KIF26B: variants seen among roughly 807,000 people sequenced by gnomAD.
KIF26B encodes the protein kinesin family member 26B, also known as kinesin-like protein KIF26B.
In KIF26B, 63 loss-of-function variants were observed where a neutral mutation model predicts 151.2. The observed-to-expected ratio is 0.42, with a 90% confidence interval of 0.34 to 0.51. The LOEUF (loss-of-function observed/expected upper bound fraction) is 0.51, where lower values mean the gene tolerates loss of function less well. Ranked by LOEUF, KIF26B falls within the 20% of genes least tolerant of loss-of-function variation. KIF26B has a pLI of 0.07. For synonymous variants in KIF26B, 1,357 were observed against 1,262.1 expected (o/e 1.08, Z -1.59); for missense variants, 2,813 against 2,913.6 (o/e 0.97, Z 0.79).
intron 10 of KIF26B, among the ~76,000 whole-genome samples, chr1:245,672,260 G>A (rs2044296913): frequency 6.6e-6 from 1 of 152,180 alleles, no homozygotes; most frequent in Non-Finnish European, 1.5e-5. Flanking sequence ...AAGACCACTG[G>A]TCAGGAGCAG....
chr1:245,532,925 A>C (rs1661406927), intron 4 of KIF26B, among the ~76,000 whole-genome samples: 1 of 152,192 alleles, frequency 6.6e-6, no homozygotes. Context: ...GGCTATGCCC[A>C]AATACTTTTA....
chr1:245,211,097 G>A (rs1051750992), intron 2 of KIF26B, among the ~76,000 whole-genome samples: 5 of 152,122 alleles, frequency 3.3e-5, no homozygotes, highest in African/African-American at 1.2e-4. Flanking sequence ...GGGCCTGAAC[G>A]GGAGAGACTA....
At chr1:245,376,507 A>G (rs1173990665) in intron 3 of KIF26B, among the ~76,000 whole-genome samples, 1 of 152,116 alleles carries the variant, frequency 6.6e-6, no homozygotes, top group Non-Finnish European at 1.5e-5. Flanking sequence ...CTTGGTTTGA[A>G]CTTGGCCAAG....
intron 4 of KIF26B, among the ~76,000 whole-genome samples, chr1:245,425,607 G>A (rs770848040): frequency 3.3e-5 from 5 of 152,042 alleles, no homozygotes; most frequent in Admixed American, 6.5e-5. Flanking sequence ...GGGTTTCACC[G>A]TGTTGGCCAA....
chr1:245,607,032 C>T (rs899444085), intron 6 of KIF26B, among the ~76,000 whole-genome samples: 2 of 140,682 alleles, frequency 1.4e-5, no homozygotes, highest in African/African-American at 5.4e-5. Context: ...CACCATTGCA[C>T]TCCAGCCTGG....
chr1:245,305,795 G>A (rs184243924), intron 2 of KIF26B, among the ~76,000 whole-genome samples: 3 of 152,034 alleles, frequency 2.0e-5, no homozygotes, highest in Non-Finnish European at 2.9e-5. Flanking sequence ...AAAATTAGCC[G>A]GGTGTGGTGG....
intron 2 of KIF26B, among the ~76,000 whole-genome samples, chr1:245,171,361 G>C (rs1287489144): frequency 1.3e-5 from 2 of 152,208 alleles, no homozygotes; most frequent in Non-Finnish European, 2.9e-5. Flanking sequence ...GACCAACATG[G>C]TGAAACCCCG....
rs2044790444 is a variant in KIF26B at position 245,702,820 on chromosome 1, G to A, written c.*214G>A. On this transcript the variant is annotated 3_prime_UTR_variant, in exon 15 of 15. Transcript: ENST00000407071. The surrounding 1 kb of genome is among the most constrained non-coding windows in gnomAD (Gnocchi z 4.1). ...AACACCGTGGAAGGAGAAAAGGATGGGAAGCCCGAGGGGTGTCCAAGCCCT... is the reference window on the plus strand; with the variant it reads ...AACACCGTGGAAGGAGAAAAGGATGAGAAGCCCGAGGGGTGTCCAAGCCCT... 4.0e-6 allele frequency: 2 copies of A among 505,328 alleles called. No individual in the cohort carries two copies. Among genetic ancestry groups the A allele is most frequent in the Non-Finnish European group, 3.4e-6 (1 of 293,734 alleles). The allele number at this position is 505,328 out of a possible 1,614,324, so 31.3% of individuals were successfully genotyped here.
At chr1:245,245,750 G>A (rs1278792523) in intron 2 of KIF26B, among the ~76,000 whole-genome samples, 3 of 152,088 alleles carry the variant, frequency 2.0e-5, no homozygotes, top group Non-Finnish European at 4.4e-5. Flanking sequence ...GGCCAAGATG[G>A]TGAAACTGTC....
intron 9 of KIF26B, among the ~76,000 whole-genome samples, chr1:245,632,115 T>TG (rs2043787287): frequency 6.6e-6 from 1 of 152,160 alleles, no homozygotes; most frequent in South Asian, 2.1e-4. Flanking sequence ...TTCCTTGAGA[T>TG]GCATCATTCG....
chr1:245,347,268 C>T (rs1185956726), intron 2 of KIF26B, among the ~76,000 whole-genome samples: 1 of 152,100 alleles, frequency 6.6e-6, no homozygotes, highest in Non-Finnish European at 1.5e-5. Flanking sequence ...TTTCTCTTAA[C>T]CTCACACATC....
rs574353056 is a variant in KIF26B at position 245,588,391 on chromosome 1, G to A, written c.1351-14186G>A. On this transcript the variant is annotated intron_variant, in intron 5 of 14. Transcript: ENST00000407071. ...GCCAGCAAGCACTTCTCTGCCAGGC[G>A]GAGGGGCGGTGAAGGGAATTAAAGG... Among the ~76,000 whole-genome samples the A allele has an allele frequency of 1.2e-3, 180 of 152,256 alleles. 1 individual carries two copies. Among genetic ancestry groups the A allele is most frequent in the African/African-American group, 3.4e-3 (143 of 41,550 alleles).
intron 2 of KIF26B, among the ~76,000 whole-genome samples, chr1:245,256,378 T>A (rs916986849): frequency 6.6e-6 from 1 of 152,158 alleles, no homozygotes; most frequent in African/African-American, 2.4e-5. Context: ...ATGTTGAATG[T>A]TAGATTTAGA....
At chr1:245,524,622 C>T (rs1411755595) in intron 4 of KIF26B, among the ~76,000 whole-genome samples, 1 of 152,036 alleles carries the variant, frequency 6.6e-6, no homozygotes, top group Non-Finnish European at 1.5e-5. Flanking sequence ...ATTTTATAAG[C>T]TAAGTAACTG....
chr1:245,354,378 G>A (rs1672636767), intron 2 of KIF26B, among the ~76,000 whole-genome samples: 1 of 152,206 alleles, frequency 6.6e-6, no homozygotes, highest in Admixed American at 6.5e-5. Context: ...AAGAGGCAGA[G>A]ATGCCAATGA....
At chr1:245,247,502 A>G (rs1031386877) in intron 2 of KIF26B, among the ~76,000 whole-genome samples, 4 of 152,170 alleles carry the variant, frequency 2.6e-5, no homozygotes, top group Non-Finnish European at 1.5e-5. Flanking sequence ...GGAATAGAAA[A>G]TTGGTGAATG....
intron 2 of KIF26B, among the ~76,000 whole-genome samples, chr1:245,189,991 G>T (rs965672173): frequency 6.6e-6 from 1 of 152,096 alleles, no homozygotes; most frequent in African/African-American, 2.4e-5. Flanking sequence ...AGAACAGTAT[G>T]GGGGGAAACC....
intron 12 of KIF26B, among the ~76,000 whole-genome samples, chr1:245,689,494 C>T (rs1407017505): frequency 6.6e-6 from 1 of 152,236 alleles, no homozygotes; most frequent in Non-Finnish European, 1.5e-5. Context: ...ACAGGGCCTG[C>T]AGTGCCCCCC....
chr1:245,499,614 A>G (rs1043280999), intron 4 of KIF26B, among the ~76,000 whole-genome samples: 4 of 152,240 alleles, frequency 2.6e-5, no homozygotes, highest in Admixed American at 6.5e-5. Flanking sequence ...TTCCACTTAC[A>G]TATATTCTAG....
Sources: gnomAD v4.1 joint callset for allele counts (sites outside exome capture counted in the v4.1 genomes callset) on GRCh38, gnomAD v4.1.1 for gene constraint, Gnocchi (gnomAD v3.1) non-coding constraint, MANE v1.5 for transcripts, NCBI Gene and HGNC (gene_info 2026-07-23, HGNC 2026-07-21) for gene names.